Variants in NKAIN2 observed in about 807,000 individuals in gnomAD.
NKAIN2 encodes sodium/potassium-transporting ATPase subunit beta-1-interacting protein 2.
A neutral mutation model predicts 32.6 loss-of-function variants in NKAIN2; 14 were observed. That is an observed-to-expected ratio of 0.43 (90% CI 0.28 to 0.67). The LOEUF is 0.67. Ranked by LOEUF, NKAIN2 falls within the 30% of genes least tolerant of loss-of-function variation. The pLI, the probability that NKAIN2 is intolerant of heterozygous loss-of-function variation, is 0.17. For missense variants in NKAIN2, 198 were observed against 258.3 expected, an observed-to-expected ratio of 0.77 and a Z score of 1.60; for synonymous variants, 80 against 87.2, an observed-to-expected ratio of 0.92 and a Z score of 0.46.
chr6:124,277,322 T>A (rs1264388330), intron 1 of NKAIN2, among the ~76,000 whole-genome samples: 1 of 152,072 alleles, frequency 6.6e-6, no homozygotes, highest in Non-Finnish European at 1.5e-5. Context: ...TATCTAAACT[T>A]TAATGGTACC....
intron 1 of NKAIN2, among the ~76,000 whole-genome samples, chr6:123,838,982 G>C (rs1031833296): frequency 1.3e-5 from 2 of 152,168 alleles, no homozygotes; most frequent in Non-Finnish European, 2.9e-5. Context: ...AGAATTGCTA[G>C]TCATACTTAG....
At chr6:124,449,515 CTA>C (rs1245430837) in intron 3 of NKAIN2, among the ~76,000 whole-genome samples, 2 of 152,024 alleles carry the variant, frequency 1.3e-5, no homozygotes, top group Non-Finnish European at 2.9e-5. Context: ...GGTCAACAGG[CTA>C]TCTTTTAGGT....
At chr6:124,712,756 C>G (rs930438020) in intron 4 of NKAIN2, among the ~76,000 whole-genome samples, 1 of 151,908 alleles carries the variant, frequency 6.6e-6, no homozygotes, top group African/African-American at 2.4e-5. Context: ...GCAGAAATCA[C>G]CTGTCCTCTG....
intron 1 of NKAIN2, among the ~76,000 whole-genome samples, chr6:123,836,874 AATATT>A (rs1774651952): frequency 6.6e-6 from 1 of 152,110 alleles, no homozygotes; most frequent in Non-Finnish European, 1.5e-5. Context: ...CAAAAAATAA[AATATT>A]ATGAGTACCT....
chr6:124,679,603 GA>G (rs1353149324), intron 4 of NKAIN2, among the ~76,000 whole-genome samples: 16 of 152,260 alleles, frequency 1.1e-4, no homozygotes, highest in Non-Finnish European at 2.1e-4. Flanking sequence ...ATTACTCACA[GA>G]AAGAATGGAT....
chr6:124,731,703 G>T (rs1776684452), intron 4 of NKAIN2, among the ~76,000 whole-genome samples: 1 of 150,868 alleles, frequency 6.6e-6, no homozygotes, highest in Non-Finnish European at 1.5e-5. Flanking sequence ...AAAACTTAAG[G>T]TATAATTTAA....
At chr6:124,624,346 A>C (rs569580518) in intron 3 of NKAIN2, among the ~76,000 whole-genome samples, 5 of 152,276 alleles carry the variant, frequency 3.3e-5, no homozygotes, top group African/African-American at 1.2e-4. Flanking sequence ...ACACTGGGGT[A>C]AGATCTGGGA....
chr6:124,494,113 C>T (rs145823734), intron 3 of NKAIN2, among the ~76,000 whole-genome samples: 248 of 152,188 alleles, frequency 1.6e-3, no homozygotes, highest in African/African-American at 5.7e-3. Context: ...TATATCTGTT[C>T]CGCTACCTCT....
intron 3 of NKAIN2, among the ~76,000 whole-genome samples, chr6:124,410,031 G>A (rs1774083177): frequency 6.6e-6 from 1 of 152,160 alleles, no homozygotes; most frequent in Non-Finnish European, 1.5e-5. Flanking sequence ...TGTGGGATCG[G>A]TGGTGATATC....
chr6:124,451,477 A>G (rs1436379495), intron 3 of NKAIN2, among the ~76,000 whole-genome samples: 1 of 152,152 alleles, frequency 6.6e-6, no homozygotes, highest in Non-Finnish European at 1.5e-5. Context: ...AAGGAGTGGG[A>G]AGACCCGATC....
intron 4 of NKAIN2, among the ~76,000 whole-genome samples, chr6:124,704,606 G>C (rs965357170): frequency 6.6e-6 from 1 of 151,200 alleles, no homozygotes; most frequent in African/African-American, 2.4e-5. Flanking sequence ...TGTTTGACTG[G>C]AAACAAAAAG....
At chr6:124,339,830 C>T (rs985364035) in intron 2 of NKAIN2, among the ~76,000 whole-genome samples, 3 of 151,890 alleles carry the variant, frequency 2.0e-5, no homozygotes, top group Non-Finnish European at 4.4e-5. Flanking sequence ...TGTGGAAGGT[C>T]GGGGGAGGCC....
chr6:124,317,827 T>C (rs1797025451), intron 2 of NKAIN2, among the ~76,000 whole-genome samples: 1 of 152,102 alleles, frequency 6.6e-6, no homozygotes, highest in South Asian at 2.1e-4. Flanking sequence ...AAAATTCTGC[T>C]CATGCTTGTA....
intron 1 of NKAIN2, among the ~76,000 whole-genome samples, chr6:124,145,507 GTT>G (rs1219958103): frequency 1.3e-5 from 2 of 151,630 alleles, no homozygotes; most frequent in Non-Finnish European, 2.9e-5. Context: ...TTTTGTTTTT[GTT>G]TTTGTTTTTG....
Position 124,069,801 on chromosome 6 carries a change from G to A in NKAIN2, c.55-213204G>A, listed in dbSNP as rs570494308. On this transcript the variant is annotated intron_variant, in intron 1 of 6. Coordinates refer to ENST00000368417, the MANE Select transcript of NKAIN2 (RefSeq NM_001040214.3). ...ATCTCTTGATGGCTACTGGAGCTCA[G>A]CAGCCAGCCTGGAGGCATCCTTCCC... Among the ~76,000 whole-genome samples, 3 of 152,304 alleles carry A rather than the reference G, an allele frequency of 2.0e-5. No homozygotes were observed. The South Asian group carries it at 6.2e-4, about 32-fold the overall frequency.
intron 3 of NKAIN2, among the ~76,000 whole-genome samples, chr6:124,512,717 T>C (rs1021243731): frequency 2.5e-4 from 38 of 152,116 alleles, no homozygotes; most frequent in African/African-American, 7.9e-4. Context: ...TGCAAGAAAA[T>C]GTGGTCTGTA....
intron 3 of NKAIN2, among the ~76,000 whole-genome samples, chr6:124,517,334 A>G (rs1778952593): frequency 6.6e-6 from 1 of 152,162 alleles, no homozygotes; most frequent in African/African-American, 2.4e-5. Context: ...AGTTTAATTT[A>G]TAGTTCTTTT....
chr6:124,777,419 T>A (rs990373739), intron 4 of NKAIN2, among the ~76,000 whole-genome samples: 8 of 152,162 alleles, frequency 5.3e-5, no homozygotes, highest in Non-Finnish European at 1.2e-4. Context: ...GAAGAAGACT[T>A]TTAACTTCTC....
intron 3 of NKAIN2, among the ~76,000 whole-genome samples, chr6:124,505,146 C>T (rs897137835): frequency 1.3e-5 from 2 of 152,038 alleles, no homozygotes; most frequent in Non-Finnish European, 2.9e-5. Context: ...AAAACAAAAC[C>T]TAGGCCAAAG....
Sources: gnomAD v4.1 joint callset for allele counts (sites outside exome capture counted in the v4.1 genomes callset) on GRCh38, gnomAD v4.1.1 for gene constraint, MANE v1.5 for transcripts, NCBI Gene and HGNC (gene_info 2026-07-23, HGNC 2026-07-21) for gene names.